The following SBSPON variants were observed in gnomAD, a reference collection of about 807,000 sequenced individuals.
SBSPON encodes the protein somatomedin B and thrombospondin type 1 domain containing.
SBSPON carries 30 observed loss-of-function variants against 35.8 expected under a neutral mutation model. That is an observed-to-expected ratio of 0.84 (90% CI 0.63 to 1.14). SBSPON has a LOEUF of 1.14. Ranked by LOEUF, SBSPON falls within the 50% of genes most tolerant of loss-of-function variation. SBSPON has a pLI of 0.00. For synonymous variants in SBSPON, 136 were observed against 135.9 expected (o/e 1.00, Z 0.00); for missense variants, 364 against 357.7 (o/e 1.02, Z -0.14).
rs868404366 is a variant in SBSPON at position 73,089,578 on chromosome 8, G to T, written c.214+3276C>A. Among the ~76,000 whole-genome samples, 163 of 149,448 alleles carry T rather than the reference G, an allele frequency of 1.1e-3. 1 individual carries two copies. The highest frequency in any genetic ancestry group is 3.6e-3 in the African/African-American group (144 of 39,980). The stretch of plus-strand genomic sequence containing the variant: ...CCGTCTCAAAAAAAAAAAAAAAATT[G>T]TTGGGAGGATTAAATGAGACAAAGT... On this transcript the variant is annotated intron_variant, in intron 1 of 4. Transcript: ENST00000297354.
At chr8:73,085,541 G>T in intron 1 of SBSPON, 1 of 152,070 alleles carries the variant, frequency 6.6e-6, no homozygotes, top group Admixed American at 6.5e-5. Flanking sequence ...ACTCTCCAAG[G>T]TCATGTCTTC....
intron 2 of SBSPON, among the ~76,000 whole-genome samples, chr8:73,079,991 T>C (rs1810664217): frequency 6.6e-6 from 1 of 152,188 alleles, no homozygotes; most frequent in Non-Finnish European, 1.5e-5. Context: ...GAGAAACATA[T>C]GGTTTTTGCT....
In SBSPON at chr8:73,065,791, A is replaced by T. The variant is rs1355531881; in HGVS notation, c.*1550T>A. 6.6e-6 allele frequency: 1 copy of T among 152,170 alleles called. No individual in the cohort carries two copies. The highest frequency in any genetic ancestry group is 2.4e-5 in the African/African-American group (1 of 41,434). 9.4% of individuals were successfully genotyped at this position (152,170 alleles called of 1,614,324 possible). ...GAGACTCTGTCTCAAAGAAAAAAAA[A>T]CTTTTAAGTAACATTGGAAATTACC... On this transcript the variant is annotated 3_prime_UTR_variant, in exon 5 of 5. Transcript: ENST00000297354.
At position 73,093,047 on chromosome 8, in the gene SBSPON, C is replaced by T. The variant is rs768554620; in HGVS notation, c.21G>A (p.Ala7=). The T allele has an allele frequency of 2.9e-6, 4 of 1,373,976 alleles. No individual in the cohort carries two copies. The South Asian group carries it at 7.3e-5, about 25-fold the overall frequency. 85.1% of individuals were successfully genotyped at this position (1,373,976 alleles called of 1,614,324 possible). A position where few individuals can be genotyped will look rare whatever the true frequency, so the allele number is the denominator to read the frequency against. The part of the protein sequence containing the change: MRTLWM[A]LCALSRLWPG... The stretch of plus-strand genomic sequence containing the variant: ...GCCACAGCCGCGACAGCGCGCACAG[C>T]GCCATCCACAGGGTCCTCATGGCCA... Residue 7 remains alanine, a synonymous_variant, in exon 1 of 5, where the codon GCG becomes GCA. Coordinates refer to ENST00000297354, the MANE Select transcript of SBSPON (RefSeq NM_153225.4).
chr8:73,090,993 T>A (rs1310359144), intron 1 of SBSPON, among the ~76,000 whole-genome samples: 3 of 152,356 alleles, frequency 2.0e-5, no homozygotes, highest in African/African-American at 7.2e-5. Flanking sequence ...GGGAGCGCTG[T>A]CAGGTCTCAC....
chr8:73,092,845 A>ACCAC lies in SBSPON; in HGVS notation c.214+5_214+8dup. ...CGGCCGGCGCCCCACTCTCGGCCTG[A>ACCAC]CCACCCACCTGGGCACGCCCTGTCG... On this transcript the variant is annotated intron_variant, in intron 1 of 4. Coordinates refer to ENST00000297354, the MANE Select transcript of SBSPON (RefSeq NM_153225.4). 1 of 1,606,970 alleles carries ACCAC rather than the reference A, an allele frequency of 6.2e-7. No homozygotes were observed. Among genetic ancestry groups the ACCAC allele is most frequent in the Non-Finnish European group, 8.5e-7 (1 of 1,176,858 alleles).
chr8:73,092,103 C>T (rs1810946055), intron 1 of SBSPON, among the ~76,000 whole-genome samples: 1 of 152,164 alleles, frequency 6.6e-6, no homozygotes, highest in Admixed American at 6.5e-5. Flanking sequence ...TTTATTGAGC[C>T]CTTACGGGGA....
rs1041672822 is a variant in SBSPON at position 73,080,566 on chromosome 8, T to C, written c.409+453A>G. 3.3e-4 allele frequency among the ~76,000 whole-genome samples: 50 copies of C among 152,158 alleles called. 1 individual carries two copies. The highest frequency in any genetic ancestry group is 2.6e-3 in the Admixed American group (39 of 15,270). ...CACTTTATCATTGTTTAGAATTCTG[T>C]GATTTTTCCACGATTTTTCCACATG... On this transcript the variant is annotated intron_variant, in intron 2 of 4. Transcript: ENST00000297354.
At chr8:73,085,039 TCTG>T (rs1220487449) in intron 1 of SBSPON, among the ~76,000 whole-genome samples, 1 of 152,146 alleles carries the variant, frequency 6.6e-6, no homozygotes, top group Non-Finnish European at 1.5e-5. Flanking sequence ...CAGACTCTGA[TCTG>T]CTCATATCAT....
chr8:73,067,994 C>T (rs1033303368), intron 4 of SBSPON, among the ~76,000 whole-genome samples: 1 of 151,970 alleles, frequency 6.6e-6, no homozygotes, highest in Non-Finnish European at 1.5e-5. Context: ...TATCTGAGCA[C>T]AAGTGCTGCA....
intron 2 of SBSPON, among the ~76,000 whole-genome samples, chr8:73,076,606 C>G (rs1283394005): frequency 2.6e-5 from 4 of 151,398 alleles, no homozygotes; most frequent in African/African-American, 4.9e-5. Context: ...ATGATCACAC[C>G]ACTGCACTCC....
rs563166996 is a variant in SBSPON, at chr8:73,065,090, A to G, written c.*2251T>C. Reference sequence around the variant, plus strand: ...ATTTCCCTTGGGCTTTGCTAAAATTAATAACAAGCTTTTCAAAACTGTTAT... The same window carrying G: ...ATTTCCCTTGGGCTTTGCTAAAATTGATAACAAGCTTTTCAAAACTGTTAT... On this transcript the variant is annotated 3_prime_UTR_variant, in exon 5 of 5. Coordinates refer to ENST00000297354, the MANE Select transcript of SBSPON (RefSeq NM_153225.4). The G allele has an allele frequency of 1.3e-5, 2 of 152,340 alleles. No individual in the cohort carries two copies. Among genetic ancestry groups the G allele is most frequent in the East Asian group, 3.9e-4 (2 of 5,190 alleles). 9.4% of individuals were successfully genotyped at this position (152,340 alleles called of 1,614,324 possible).
rs1214335214 is a variant in SBSPON at position 73,066,474 on chromosome 8, T to A, written c.*867A>T. ...CCGACACACCATCCACCCCAAACAT[T>A]AGAAAATGCATGCGGTAGGAAAAAA... On this transcript the variant is annotated 3_prime_UTR_variant, in exon 5 of 5. Transcript: ENST00000297354. 1.3e-5 allele frequency: 2 copies of A among 152,060 alleles called. No individual in the cohort carries two copies. The highest frequency in any genetic ancestry group is 4.8e-5 in the African/African-American group (2 of 41,396). The allele number at this position is 152,060 out of a possible 1,614,324, so 9.4% of individuals were successfully genotyped here.
Position 73,066,749 on chromosome 8 carries a change from CA to C in SBSPON, c.*591del, listed in dbSNP as rs1810393512. ...TTAAGCAAAAAAAAAATTTCTTCTT[CA>C]AAAAATGTTTTTAGTATAACTTGGT... On this transcript the variant is annotated 3_prime_UTR_variant, in exon 5 of 5. Coordinates refer to ENST00000297354, the MANE Select transcript of SBSPON (RefSeq NM_153225.4). 6.6e-6 allele frequency: 1 copy of C among 152,068 alleles called. No homozygotes were observed. The highest frequency in any genetic ancestry group is 2.4e-5 in the African/African-American group (1 of 41,406). The allele number at this position is 152,068 out of a possible 1,614,324, so 9.4% of individuals were successfully genotyped here.
intron 1 of SBSPON, among the ~76,000 whole-genome samples, chr8:73,086,187 G>A (rs1333294553): frequency 6.6e-6 from 1 of 151,482 alleles, no homozygotes; most frequent in Non-Finnish European, 1.5e-5. Flanking sequence ...TGGAGACGGA[G>A]TCTTGCTCTG....
In SBSPON at chr8:73,081,031, C is replaced by T. The variant is rs1410136485; in HGVS notation, c.397G>A (p.Gly133Arg). The change falls in exon 2 of 5, where the codon GGG becomes AGG. Residue 133 changes from glycine (G) to arginine (R), a missense_variant. By Grantham distance (125) the Gly-to-Arg change is moderately radical (BLOSUM62 -2). Transcript: ENST00000297354. The part of the protein sequence containing the change: ...EYSTPQGQDC[G>R]HTYVPAFITT... ...AAAACATCAGTACCATAGGTGTGCCCGCAGTCCTGGCCCTGCGGGGTGGAG... is the reference window on the plus strand; with the variant it reads ...AAAACATCAGTACCATAGGTGTGCCTGCAGTCCTGGCCCTGCGGGGTGGAG... 7 of 1,599,948 alleles carry T rather than the reference C, an allele frequency of 4.4e-6. No individual in the cohort carries two copies. In the East Asian group the frequency reaches 6.7e-5, roughly 15 times the overall value.
chr8:73,071,766 A>AC lies in SBSPON; in HGVS notation c.500+13_500+14insG, dbSNP rs776121978. ...GAAAAACATGATTAAAAAAAAAAAAAAACACGAAATTACCCAGCATCCTCT... is the reference window on the plus strand; with the variant it reads ...GAAAAACATGATTAAAAAAAAAAAAACAACACGAAATTACCCAGCATCCTCT... On this transcript the variant is annotated intron_variant, in intron 3 of 4. Transcript: ENST00000297354. The AC allele has an allele frequency of 1.3e-6, 2 of 1,543,638 alleles. No individual in the cohort carries two copies. Among genetic ancestry groups the AC allele is most frequent in the South Asian group, 1.2e-5 (1 of 84,916 alleles).
chr8:73,073,753 G>A (rs1360829002), intron 2 of SBSPON, among the ~76,000 whole-genome samples: 3 of 146,990 alleles, frequency 2.0e-5, no homozygotes, highest in South Asian at 4.4e-4. Context: ...GCAGTGAGCC[G>A]AGATCACACC....
At chr8:73,085,099 G>T (rs1030435759) in intron 1 of SBSPON, among the ~76,000 whole-genome samples, 1 of 152,202 alleles carries the variant, frequency 6.6e-6, no homozygotes, top group Non-Finnish European at 1.5e-5. Context: ...AAGGAAGGAA[G>T]TGGGGTGGAA....
Sources: allele counts gnomAD v4.1 joint callset (sites outside exome capture counted in the v4.1 genomes callset), GRCh38; gene constraint gnomAD v4.1.1; transcripts MANE v1.5; gene names NCBI Gene and HGNC (gene_info 2026-07-23, HGNC 2026-07-21).